The following MRAP2 variants were observed in gnomAD, a reference collection of about 807,000 sequenced individuals.
MRAP2 encodes melanocortin 2 receptor accessory protein 2.
MRAP2 carries 20 observed loss-of-function variants against 17.4 expected under a neutral mutation model. The observed-to-expected ratio is 1.15, with a 90% CI of 0.81 to 1.67. The LOEUF is 1.67. Ranked by LOEUF, MRAP2 falls within the 40% of genes most tolerant of loss-of-function variation. The probability of loss-of-function intolerance (pLI) is 0.00; values close to 1 mark genes in which losing one functional copy is unlikely to be tolerated. For synonymous variants in MRAP2, 96 were observed against 88.4 expected, an observed-to-expected ratio of 1.09 and a Z score of -0.48; for missense variants, 238 against 240.0, an observed-to-expected ratio of 0.99 and a Z score of 0.05.
the MRAP2 span, chr6:84,124,726 A>C: frequency 1.4e-5 from 4 of 286,660 alleles, no homozygotes. Flanking sequence ...CCTGGATCTA[A>C]AATAAAAATT....
intron 3 of MRAP2, among the ~76,000 whole-genome samples, chr6:84,072,552 C>T (rs1293403410): frequency 6.6e-6 from 1 of 152,214 alleles, no homozygotes; most frequent in Non-Finnish European, 1.5e-5. Flanking sequence ...GCTGGTTGGC[C>T]TCCTGCCGGG....
chr6:84,144,533 A>G, the MRAP2 span, among the ~76,000 whole-genome samples: 1 of 152,116 alleles, frequency 6.6e-6, no homozygotes, highest in Non-Finnish European at 1.5e-5. Context: ...TTTTGTAAGC[A>G]ACTATAAATA....
At chr6:84,125,439 A>AT in the MRAP2 span, among the ~76,000 whole-genome samples, 1 of 152,130 alleles carries the variant, frequency 6.6e-6, no homozygotes, top group Admixed American at 6.6e-5. Flanking sequence ...GAGTATATAC[A>AT]TCCCAACTGT....
rs79502291 is a variant in MRAP2, at chr6:84,055,601, G to A, written c.127+156G>A. Reference sequence around the variant, plus strand: ...ACAAAACATCTCGCCTCCACACATAGGCTGATTGCTCAGGAATGGTACAGG... The same window carrying A: ...ACAAAACATCTCGCCTCCACACATAAGCTGATTGCTCAGGAATGGTACAGG... On this transcript the variant is annotated intron_variant, in intron 2 of 3. Transcript: ENST00000257776. Among the ~76,000 whole-genome samples, 569 of 152,206 alleles carry A rather than the reference G, an allele frequency of 3.7e-3. 6 individuals carry two copies. The highest frequency in any genetic ancestry group is 0.013 in the African/African-American group (522 of 41,526).
chr6:84,115,584 G>A, the MRAP2 span, among the ~76,000 whole-genome samples: 2 of 152,084 alleles, frequency 1.3e-5, no homozygotes, highest in African/African-American at 2.4e-5. Context: ...GGGAGTGAAC[G>A]GATCTGTCTC....
At position 84,063,493 on chromosome 6, in the gene MRAP2, A is replaced by G. The variant is rs182220837; in HGVS notation, c.227+501A>G. ...AGAGTTTTCTTAAAACTAGGATACA[A>G]AGGCAAACACTGTGGTTTACATAAT... On this transcript the variant is annotated intron_variant, in intron 3 of 3. Coordinates refer to ENST00000257776, the MANE Select transcript of MRAP2 (RefSeq NM_138409.4). 11 of 869,540 alleles carry G rather than the reference A, an allele frequency of 1.3e-5. No individual in the cohort carries two copies. In the South Asian group the frequency reaches 3.7e-4, roughly 29 times the overall value. 53.9% of individuals were successfully genotyped at this position (869,540 alleles called of 1,614,324 possible).
chr6:84,085,268 A>G (rs2099500128), intron 3 of MRAP2, among the ~76,000 whole-genome samples: 1 of 151,992 alleles, frequency 6.6e-6, no homozygotes, highest in Non-Finnish European at 1.5e-5. Context: ...GTTGGCCAGG[A>G]TGGTCTCGAT....
chr6:84,068,953 G>T (rs756614057), intron 3 of MRAP2, among the ~76,000 whole-genome samples: 3 of 151,628 alleles, frequency 2.0e-5, no homozygotes, highest in Non-Finnish European at 4.4e-5. Flanking sequence ...ATAGGCATGA[G>T]CCACTGTGCC....
At chr6:84,039,543 C>G (rs746761038) in intron 1 of MRAP2, among the ~76,000 whole-genome samples, 2 of 152,166 alleles carry the variant, frequency 1.3e-5, no homozygotes, top group Non-Finnish European at 1.5e-5. Context: ...GAAGTTGAGA[C>G]TAGCTTTATG....
chr6:84,070,341 C>T (rs1341039070), intron 3 of MRAP2, among the ~76,000 whole-genome samples: 1 of 152,112 alleles, frequency 6.6e-6, no homozygotes, highest in Non-Finnish European at 1.5e-5. Context: ...ATGTTGATTT[C>T]ATTTTTGACC....
At chr6:84,135,385 T>C in the MRAP2 span, among the ~76,000 whole-genome samples, 2 of 152,176 alleles carry the variant, frequency 1.3e-5, no homozygotes, top group East Asian at 3.9e-4. Flanking sequence ...AAGACAGATA[T>C]CACTGACTGC....
chr6:84,034,229 G>T (rs1019766746), intron 1 of MRAP2, among the ~76,000 whole-genome samples: 35 of 152,136 alleles, frequency 2.3e-4, no homozygotes, highest in Middle Eastern at 3.4e-3. Context: ...ACCCTTTCCC[G>T]CTGGTGAGAA....
chr6:84,127,385 C>A, the MRAP2 span, among the ~76,000 whole-genome samples: 1 of 151,950 alleles, frequency 6.6e-6, no homozygotes, highest in African/African-American at 2.4e-5. Flanking sequence ...AAGATACAAG[C>A]AAATTAAATC....
At chr6:84,141,354 G>C in the MRAP2 span, among the ~76,000 whole-genome samples, 2 of 152,048 alleles carry the variant, frequency 1.3e-5, no homozygotes, top group African/African-American at 4.8e-5. Context: ...AGAGTGTCAA[G>C]TCTAGTCTAA....
chr6:84,114,151 T>C, the MRAP2 span, among the ~76,000 whole-genome samples: 2 of 152,204 alleles, frequency 1.3e-5, no homozygotes, highest in Non-Finnish European at 2.9e-5. Flanking sequence ...GAAATTCTCC[T>C]GGATAATATC....
chr6:84,060,974 C>T (rs1353846471), intron 2 of MRAP2, among the ~76,000 whole-genome samples: 1 of 151,466 alleles, frequency 6.6e-6, no homozygotes, highest in Non-Finnish European at 1.5e-5. Context: ...GCTGGGATTA[C>T]AGGCGTGAGC....
chr6:84,056,132 G>C (rs1002697109), intron 2 of MRAP2, among the ~76,000 whole-genome samples: 2 of 152,200 alleles, frequency 1.3e-5, no homozygotes, highest in Admixed American at 6.5e-5. Context: ...CCCAGTCTCA[G>C]ATCCTGTCTT....
At chr6:84,071,479 G>A (rs1168332989) in intron 3 of MRAP2, among the ~76,000 whole-genome samples, 5 of 152,026 alleles carry the variant, frequency 3.3e-5, no homozygotes, top group Admixed American at 6.5e-5. Flanking sequence ...TCCTTTATAG[G>A]TTACCTAATG....
chr6:84,069,421 C>T (rs535835420), intron 3 of MRAP2, among the ~76,000 whole-genome samples: 1 of 152,226 alleles, frequency 6.6e-6, no homozygotes, highest in Admixed American at 6.5e-5. Context: ...GTTAAACCAT[C>T]CCTGCATCCC....
Sources: allele counts gnomAD v4.1 joint callset (sites outside exome capture counted in the v4.1 genomes callset), GRCh38; gene constraint gnomAD v4.1.1; transcripts MANE v1.5; gene names NCBI Gene and HGNC (gene_info 2026-07-23, HGNC 2026-07-21).